Variants in ADK observed in about 807,000 individuals in gnomAD.
ADK encodes the protein adenosine kinase, also known as N6,N6-dimethyladenosine kinase.
A neutral mutation model predicts 44.7 loss-of-function variants in ADK; 24 were observed. The observed-to-expected ratio is 0.54, with a 90% CI of 0.39 to 0.76. The LOEUF (loss-of-function observed/expected upper bound fraction) is 0.76, where lower values mean the gene tolerates loss of function less well. ADK is among the 30% of genes least tolerant of loss of function. The pLI is 0.00. For synonymous variants in ADK, 128 were observed against 142.6 expected (o/e 0.90, Z 0.73); for missense variants, 321 against 425.1 (o/e 0.76, Z 2.15).
At chr10:74,330,822 A>G (rs944567254) in intron 4 of ADK, among the ~76,000 whole-genome samples, 8 of 152,206 alleles carry the variant, frequency 5.3e-5, no homozygotes, top group African/African-American at 1.9e-4. Context: ...CAACCTGATG[A>G]GACACCCCAA....
intron 6 of ADK, among the ~76,000 whole-genome samples, chr10:74,475,413 C>G (rs1379610575): frequency 2.0e-5 from 3 of 152,070 alleles, no homozygotes; most frequent in Non-Finnish European, 4.4e-5. Flanking sequence ...CACTGGTTCA[C>G]TTTATCAAAG....
intron 6 of ADK, among the ~76,000 whole-genome samples, chr10:74,440,423 A>C (rs753096592): frequency 2.0e-5 from 3 of 152,166 alleles, no homozygotes; most frequent in Non-Finnish European, 4.4e-5. Context: ...GTAGGATTAT[A>C]GAAATAAGGT....
At chr10:74,395,280 T>TG (rs1168925972) in intron 5 of ADK, among the ~76,000 whole-genome samples, 5 of 152,268 alleles carry the variant, frequency 3.3e-5, no homozygotes, top group African/African-American at 1.2e-4. Context: ...ACCACGACCT[T>TG]GCTCCATTTC....
At chr10:74,699,341 A>G (rs192304865) in intron 10 of ADK, among the ~76,000 whole-genome samples, 22 of 151,694 alleles carry the variant, frequency 1.5e-4, no homozygotes, top group African/African-American at 5.3e-4. Context: ...TTTTCGAAAA[A>G]CACTTTATTG....
At chr10:74,210,882 T>C (rs1030567245) in intron 2 of ADK, among the ~76,000 whole-genome samples, 8 of 152,178 alleles carry the variant, frequency 5.3e-5, no homozygotes, top group Non-Finnish European at 1.2e-4. Context: ...CTGACACTTT[T>C]GTAGTTAATT....
intron 6 of ADK, among the ~76,000 whole-genome samples, chr10:74,441,639 G>C (rs1845409030): frequency 6.6e-6 from 1 of 152,098 alleles, no homozygotes; most frequent in Admixed American, 6.6e-5. Context: ...AAAGCTCCGT[G>C]ACACTGGTCT....
chr10:74,351,323 A>G (rs989195838), intron 4 of ADK, among the ~76,000 whole-genome samples: 1 of 152,214 alleles, frequency 6.6e-6, no homozygotes, highest in African/African-American at 2.4e-5. Context: ...CAAAAACCAT[A>G]TGATTATCTC....
At chr10:74,450,126 G>A (rs1036229198) in intron 6 of ADK, among the ~76,000 whole-genome samples, 1 of 152,048 alleles carries the variant, frequency 6.6e-6, no homozygotes, top group African/African-American at 2.4e-5. Flanking sequence ...GCAACATAGC[G>A]AAAAACTCTG....
At chr10:74,429,837 C>T (rs183197017) in intron 6 of ADK, among the ~76,000 whole-genome samples, 121 of 152,208 alleles carry the variant, frequency 7.9e-4, no homozygotes, top group African/African-American at 2.5e-3. Flanking sequence ...CTATTATGTA[C>T]CAGATAGTGT....
At chr10:74,416,525 C>T (rs1904060) in intron 6 of ADK, among the ~76,000 whole-genome samples, 96,661 of 150,810 alleles carry the variant, frequency 0.64, 32,370 homozygotes, top group Middle Eastern at 0.8. Flanking sequence ...GTTCTCTATA[C>T]GGATTTCTGG....
At chr10:74,238,970 T>C (rs1845090131) in intron 3 of ADK, among the ~76,000 whole-genome samples, 1 of 150,826 alleles carries the variant, frequency 6.6e-6, no homozygotes, top group South Asian at 2.1e-4. Context: ...AAATGATACT[T>C]ATGCCTCAGC....
In ADK at chr10:74,401,463, T is replaced by G. The variant is rs549095933; in HGVS notation, c.555+2884T>G. On this transcript the variant is annotated intron_variant, in intron 6 of 10. Transcript: ENST00000539909. Reference sequence around the variant, plus strand: ...ATATATTTAGGATAGTTAGCTCTTCTTGTTGCATTGATCCCTTTACCATTA... The same window carrying G: ...ATATATTTAGGATAGTTAGCTCTTCGTGTTGCATTGATCCCTTTACCATTA... 2.6e-5 allele frequency among the ~76,000 whole-genome samples: 4 copies of G among 152,360 alleles called. No individual in the cohort carries two copies. In the South Asian group the frequency reaches 8.3e-4, roughly 32 times the overall value.
At chr10:74,245,924 A>G (rs1271714052) in intron 3 of ADK, among the ~76,000 whole-genome samples, 2 of 152,152 alleles carry the variant, frequency 1.3e-5, no homozygotes, top group African/African-American at 2.4e-5. Flanking sequence ...CTTTTCTGAA[A>G]TGACTTTTTA....
intron 3 of ADK, among the ~76,000 whole-genome samples, chr10:74,308,822 A>G (rs1163821452): frequency 1.3e-5 from 2 of 152,100 alleles, no homozygotes; most frequent in East Asian, 3.8e-4. Flanking sequence ...TTCTCCTGAT[A>G]ATATGCTGAG....
chr10:74,176,572 C>T lies in ADK; in HGVS notation c.66-24192C>T, dbSNP rs561555040. ...CGCTGTTACTAGGACTCAAGATGGC[C>T]ACCGCGCCCGCTAGTCATCTCGCTA... is the stretch of plus-strand genomic sequence containing the variant. On this transcript the variant is annotated intron_variant, in intron 1 of 10. Transcript: ENST00000539909. 4.4e-6 allele frequency: 6 copies of T among 1,352,448 alleles called. No homozygotes were observed. In the African/African-American group the frequency reaches 7.6e-5, roughly 17 times the overall value. The allele number at this position is 1,352,448 out of a possible 1,614,324, so 83.8% of individuals were successfully genotyped here.
intron 3 of ADK, among the ~76,000 whole-genome samples, chr10:74,273,079 C>T (rs1846501407): frequency 6.6e-6 from 1 of 151,898 alleles, no homozygotes; most frequent in South Asian, 2.1e-4. Flanking sequence ...TGGAGATGTG[C>T]AGCCCTGATC....
intron 4 of ADK, among the ~76,000 whole-genome samples, chr10:74,382,658 C>T (rs1462042202): frequency 6.6e-6 from 1 of 152,022 alleles, no homozygotes; most frequent in Non-Finnish European, 1.5e-5. Context: ...TTCAGTAACA[C>T]AATTTTTTTA....
intron 4 of ADK, among the ~76,000 whole-genome samples, chr10:74,382,759 G>A (rs10509348): frequency 0.64 from 97,032 of 151,808 alleles, 32,450 homozygotes; most frequent in Middle Eastern, 0.79. Flanking sequence ...ACTCAGTTCT[G>A]TAACCTTTTT....
chr10:74,179,502 A>G (rs780443401), intron 1 of ADK, among the ~76,000 whole-genome samples: 9 of 152,212 alleles, frequency 5.9e-5, no homozygotes, highest in Non-Finnish European at 1.0e-4. Flanking sequence ...CAAGATGGTG[A>G]TGAGAGTGAC....
Sources: gnomAD v4.1 joint callset for allele counts (sites outside exome capture counted in the v4.1 genomes callset) on GRCh38, gnomAD v4.1.1 for gene constraint, MANE v1.5 for transcripts, NCBI Gene and HGNC (gene_info 2026-07-23, HGNC 2026-07-21) for gene names.